Variants in RGS6 observed in about 807,000 individuals in gnomAD.
RGS6 encodes the protein regulator of G-protein signaling 6.
RGS6 carries 30 observed loss-of-function variants against 78.5 expected under a neutral mutation model. The observed-to-expected ratio is 0.38, with a 90% confidence interval of 0.29 to 0.52. The LOEUF is 0.52. RGS6 is among the 20% of genes least tolerant of loss of function. RGS6 has a pLI of 0.85. For missense variants in RGS6, 495 were observed against 609.7 expected, an observed-to-expected ratio of 0.81 and a Z score of 1.98; for synonymous variants, 206 against 206.0, an observed-to-expected ratio of 1.00 and a Z score of 0.00.
chr14:72,341,404 A>G lies in RGS6; in HGVS notation c.85-10691A>G, dbSNP rs2076966490. On this transcript the variant is annotated intron_variant, in intron 2 of 17. Coordinates refer to ENST00000553525, the MANE Select transcript of RGS6 (RefSeq NM_001204424.2). ...CTCTAACACTGGGGATTACAATTCA[A>G]CATGAGATTTGGGTGGGGACACAGG... Among the ~76,000 whole-genome samples, 3 of 152,240 alleles carry G rather than the reference A, an allele frequency of 2.0e-5. No individual in the cohort carries two copies. In the South Asian group the frequency reaches 6.2e-4, roughly 31 times the overall value.
intron 2 of RGS6, among the ~76,000 whole-genome samples, chr14:72,076,725 C>T (rs1312491495): frequency 6.6e-6 from 1 of 151,902 alleles, no homozygotes; most frequent in African/African-American, 2.4e-5. Context: ...GAGACATGGT[C>T]TTACTATGTT....
chr14:72,002,715 CTG>C (rs1478241350), intron 2 of RGS6, among the ~76,000 whole-genome samples: 4 of 152,140 alleles, frequency 2.6e-5, no homozygotes, highest in African/African-American at 7.2e-5. Flanking sequence ...TGGCAGTAGA[CTG>C]TGTGTTTCTG....
At position 72,448,889 on chromosome 14, in the gene RGS6, G is replaced by A. The variant is rs575049739; in HGVS notation, c.185-5639G>A. Among the ~76,000 whole-genome samples the A allele has an allele frequency of 2.0e-5, 3 of 152,290 alleles. No individual in the cohort carries two copies. In the South Asian group the frequency reaches 6.2e-4, roughly 32 times the overall value. On this transcript the variant is annotated intron_variant, in intron 3 of 17. Transcript: ENST00000553525. ...GTAGCCTGTGGTCTTGAGCCTCTCT[G>A]GGCCTAATCTTTAAAATGGATATAA...
chr14:72,114,287 A>G (rs1050487007), intron 2 of RGS6, among the ~76,000 whole-genome samples: 31 of 152,132 alleles, frequency 2.0e-4, no homozygotes, highest in African/African-American at 7.2e-4. Context: ...CCCACCATTT[A>G]CTGCAGGCGG....
chr14:72,439,653 A>ACCCT, intron 3 of RGS6, among the ~76,000 whole-genome samples: 1 of 152,188 alleles, frequency 6.6e-6, no homozygotes, highest in Non-Finnish European at 1.5e-5. Context: ...GCCACTCTCC[A>ACCCT]CCCTTCTTAC....
the RGS6 span, among the ~76,000 whole-genome samples, chr14:72,595,771 C>T: frequency 6.6e-6 from 1 of 152,222 alleles, no homozygotes; most frequent in Non-Finnish European, 1.5e-5. Flanking sequence ...TTGAGAGAGC[C>T]TGAGAAGTGA....
At chr14:71,993,685 A>G (rs762467927) in intron 2 of RGS6, among the ~76,000 whole-genome samples, 88 of 152,136 alleles carry the variant, frequency 5.8e-4, no homozygotes, top group Non-Finnish European at 1.1e-3. Flanking sequence ...CCTTTAGGGT[A>G]TATACTGAAT....
At position 72,009,001 on chromosome 14, in the gene RGS6, A is replaced by T. The variant is rs2085139456; in HGVS notation, c.84+44126A>T. On this transcript the variant is annotated intron_variant, in intron 2 of 17. Coordinates refer to ENST00000553525, the MANE Select transcript of RGS6 (RefSeq NM_001204424.2). ...TATTTATGCTGAGCACTTGCTTTCC[A>T]TATGGGAGTCTTGGATTTTTATATG... Among the ~76,000 whole-genome samples the T allele has an allele frequency of 2.0e-5, 3 of 152,292 alleles. No homozygotes were observed. In the South Asian group the frequency reaches 6.2e-4, roughly 32 times the overall value.
Position 72,518,432 on chromosome 14 carries a change from T to A in RGS6, c.1173T>A (p.Phe391Leu). 6.2e-7 allele frequency: 1 copy of A among 1,614,220 alleles called. No homozygotes were observed. Among genetic ancestry groups the A allele is most frequent in the South Asian group, 1.1e-5 (1 of 91,090 alleles). ...AKRVEEIWQEFLAPGAPSAIN... is the reference protein window; with the variant it reads ...AKRVEEIWQELLAPGAPSAIN... Reference sequence around the variant, plus strand: ...GGGTAGAAGAAATCTGGCAAGAGTTTCTGGCTCCAGGGGCTCCAAGTGCAA... The same window carrying A: ...GGGTAGAAGAAATCTGGCAAGAGTTACTGGCTCCAGGGGCTCCAAGTGCAA... The change falls in exon 15 of 18, where the codon TTT (phenylalanine) becomes TTA (leucine). Residue 391 changes from phenylalanine (F) to leucine (L), a missense_variant. Coordinates refer to ENST00000553525, the MANE Select transcript of RGS6 (RefSeq NM_001204424.2).
At chr14:72,444,979 C>G (rs1239647957) in intron 3 of RGS6, among the ~76,000 whole-genome samples, 1 of 109,398 alleles carries the variant, frequency 9.1e-6, no homozygotes, top group Non-Finnish European at 1.9e-5. Context: ...AGTCTGGAAG[C>G]CAGTTGAGCA....
At chr14:72,033,840 G>A (rs550977226) in intron 2 of RGS6, among the ~76,000 whole-genome samples, 110 of 152,206 alleles carry the variant, frequency 7.2e-4, no homozygotes, top group Middle Eastern at 3.4e-3. Flanking sequence ...GCAGCTGCAT[G>A]GTTTTATATT....
intron 17 of RGS6, among the ~76,000 whole-genome samples, chr14:72,556,724 C>G (rs1182819483): frequency 2.0e-5 from 3 of 149,118 alleles, no homozygotes; most frequent in Non-Finnish European, 3.0e-5. Flanking sequence ...AAAAAAAAAT[C>G]CATTACGTTT....
chr14:72,299,842 T>C (rs1437456471), intron 2 of RGS6, among the ~76,000 whole-genome samples: 1 of 152,220 alleles, frequency 6.6e-6, no homozygotes, highest in Non-Finnish European at 1.5e-5. Flanking sequence ...TATAGCAATA[T>C]CCCTTCTCAC....
At chr14:72,345,320 C>T (rs1415810034) in intron 2 of RGS6, among the ~76,000 whole-genome samples, 2 of 152,172 alleles carry the variant, frequency 1.3e-5, no homozygotes, top group African/African-American at 4.8e-5. Context: ...AAAATATCAG[C>T]CCCCATCTTT....
chr14:72,471,238 T>C (rs925237814), intron 8 of RGS6, among the ~76,000 whole-genome samples: 4 of 152,146 alleles, frequency 2.6e-5, no homozygotes, highest in African/African-American at 9.7e-5. Flanking sequence ...CCTGGATACA[T>C]AGTGGACATT....
chr14:72,334,879 C>T (rs1254176054), intron 2 of RGS6, among the ~76,000 whole-genome samples: 1 of 152,146 alleles, frequency 6.6e-6, no homozygotes, highest in Non-Finnish European at 1.5e-5. Flanking sequence ...CCACATGCTT[C>T]TACCTGCTGC....
At chr14:72,444,202 A>C (rs1442774329) in intron 3 of RGS6, among the ~76,000 whole-genome samples, 1 of 152,170 alleles carries the variant, frequency 6.6e-6, no homozygotes, top group East Asian at 1.9e-4. Context: ...GTGAGATAAC[A>C]AACCAGGGGA....
At chr14:72,186,772 G>A (rs533552417) in intron 2 of RGS6, among the ~76,000 whole-genome samples, 1 of 152,228 alleles carries the variant, frequency 6.6e-6, no homozygotes, top group Admixed American at 6.5e-5. Flanking sequence ...ATGGCAATAA[G>A]TGCTATTTAA....
At chr14:72,099,609 T>C (rs1222919188) in intron 2 of RGS6, among the ~76,000 whole-genome samples, 1 of 152,202 alleles carries the variant, frequency 6.6e-6, no homozygotes, top group Non-Finnish European at 1.5e-5. Flanking sequence ...AGGACTTCAA[T>C]GAGCTCTCAG....
Sources: allele counts gnomAD v4.1 joint callset (sites outside exome capture counted in the v4.1 genomes callset), GRCh38; gene constraint gnomAD v4.1.1; transcripts MANE v1.5; gene names NCBI Gene and HGNC (gene_info 2026-07-23, HGNC 2026-07-21).